The following HPS5 variants were observed in gnomAD, a reference collection of about 807,000 sequenced individuals.
HPS5 encodes the protein HPS5 biogenesis of lysosomal organelles complex 2 subunit 2.
HPS5 carries 83 observed loss-of-function variants against 128.0 expected under a neutral mutation model. The ratio of observed to expected loss-of-function variants is 0.65; its 90% CI spans 0.54 to 0.78. The LOEUF is 0.78. HPS5 is among the 30% of genes least tolerant of loss of function. HPS5 has a pLI of 0.00. For missense variants in HPS5, 1,281 were observed against 1,326.2 expected (o/e 0.97, Z 0.53); for synonymous variants, 475 against 470.2 (o/e 1.01, Z -0.13).
chr11:18,310,886 T>C lies in HPS5; in HGVS notation c.332A>G (p.Lys111Arg), dbSNP rs1862897760. ...VWELNQERRGKPEQMYVSSEH... is the reference protein window; with the variant it reads ...VWELNQERRGRPEQMYVSSEH... Reference sequence around the variant, plus strand: ...TGAAGACACATACATTTGTTCCGGTTTCCCACGACGCTCTTGATTTAATTC... The same window carrying C: ...TGAAGACACATACATTTGTTCCGGTCTCCCACGACGCTCTTGATTTAATTC... The change falls in exon 5 of 23, where the codon AAA becomes AGA. Residue 111 changes from lysine to arginine, a missense_variant. By Grantham distance (26) the Lys-to-Arg change is conservative. Coordinates refer to ENST00000349215, the MANE Select transcript of HPS5 (RefSeq NM_181507.2). 6.2e-6 allele frequency: 10 copies of C among 1,609,958 alleles called. No homozygotes were observed. The highest frequency in any genetic ancestry group is 7.6e-6 in the Non-Finnish European group (9 of 1,178,524).
intron 9 of HPS5, 118 bp downstream of exon 9, chr11:18,300,696 CAAAAAAAAAAAAAA>C (rs531315010): frequency 3.1e-6 from 1 of 326,356 alleles, no homozygotes; most frequent in Non-Finnish European, 5.6e-6. Context: ...GACTTAGTCT[CAAAAAAAAAAAAAA>C]AAAAAAAAAA....
intron 16 of HPS5, 95 bp from the exon 17 acceptor site, chr11:18,288,108 C>T: frequency 1.5e-6 from 2 of 1,362,726 alleles, no homozygotes; most frequent in Non-Finnish European, 1.0e-6. Context: ...TAGTCACGTA[C>T]CTACTGTGTG....
chr11:18,288,567 G>A (rs559773090), intron 16 of HPS5, among the ~76,000 whole-genome samples: 3 of 152,056 alleles, frequency 2.0e-5, no homozygotes, highest in Non-Finnish European at 4.4e-5. Flanking sequence ...TCTGGTGAAA[G>A]GAGTGATGAT....
chr11:18,306,379 T>C (rs1006891197), intron 6 of HPS5, 32 bp from the exon 7 acceptor site: 1 of 1,551,612 alleles, frequency 6.4e-7, no homozygotes, highest in Non-Finnish European at 8.9e-7. Context: ...AAAGCAGATT[T>C]ACTTACAAAA....
chr11:18,313,912 CA>C (rs58704871), intron 2 of HPS5, among the ~76,000 whole-genome samples: 9,937 of 110,644 alleles, frequency 0.09, 456 homozygotes, highest in East Asian at 0.28. Context: ...GACTCCGTCT[CA>C]AAAAAAAAAA....
intron 22 of HPS5, 88 bp downstream of exon 22, chr11:18,281,862 C>T (rs911178802): frequency 2.0e-6 from 3 of 1,476,038 alleles, no homozygotes; most frequent in Non-Finnish European, 2.8e-6. Context: ...TGGGTCGGGA[C>T]TAAATGATCT....
At chr11:18,314,598 T>C (rs2133882040) in intron 2 of HPS5, 1 of 152,360 alleles carries the variant, frequency 6.6e-6, no homozygotes, top group South Asian at 2.1e-4. Context: ...AAAGTGTATA[T>C]TTAAAGCAAC....
intron 1 of HPS5, among the ~76,000 whole-genome samples, chr11:18,321,080 G>A (rs989433328): frequency 4.6e-5 from 7 of 152,202 alleles, no homozygotes; most frequent in African/African-American, 1.4e-4. Context: ...TTCAAGTTGC[G>A]TTAAGTGTAC....
At chr11:18,300,071 G>T (rs1277988867) in intron 9 of HPS5, among the ~76,000 whole-genome samples, 1 of 152,126 alleles carries the variant, frequency 6.6e-6, no homozygotes, top group African/African-American at 2.4e-5. Flanking sequence ...TAGCATTGTA[G>T]GATGACTATA....
intron 19 of HPS5, among the ~76,000 whole-genome samples, chr11:18,285,775 T>C (rs975729527): frequency 1.3e-5 from 2 of 152,206 alleles, no homozygotes; most frequent in Non-Finnish European, 2.9e-5. Context: ...AGACAGGCAT[T>C]TGGGGGTCTT....
Position 18,315,260 on chromosome 11 carries a change from C to T in HPS5, c.108+2491G>A, listed in dbSNP as rs188131546. ...CTTTAACCTTGTCTCGTTTCCACCT[C>T]TCCACCAAGCACAGAGTGGGACTCT... On this transcript the variant is annotated intron_variant, in intron 2 of 22. Coordinates refer to ENST00000349215, the MANE Select transcript of HPS5 (RefSeq NM_181507.2). Among the ~76,000 whole-genome samples, 458 of 152,328 alleles carry T rather than the reference C, an allele frequency of 3.0e-3. 1 individual carries two copies. The highest frequency in any genetic ancestry group is 0.01 in the Middle Eastern group (3 of 294).
chr11:18,300,628 T>C (rs1205909741), intron 9 of HPS5, among the ~76,000 whole-genome samples, 200 bp downstream of exon 9: 1 of 140,698 alleles, frequency 7.1e-6, no homozygotes, highest in Non-Finnish European at 1.5e-5. Context: ...ACCCAGGAGG[T>C]GGAGGTTTCC....
In HPS5 at chr11:18,306,294, CA is replaced by C; in HGVS notation, c.664del (p.Cys222ValfsTer14). 1 of 1,614,136 alleles carries C rather than the reference CA, an allele frequency of 6.2e-7. No individual in the cohort carries two copies. The highest frequency in any genetic ancestry group is 1.1e-5 in the South Asian group (1 of 91,084). ...NKERDGEYGA[C>X]FFPGRCSGGQ... is the part of the protein sequence containing the mutation. ...CCCAGAACATCTTCCAGGAAAGAAACAAGCTCCATATTCTCCATCTCTTTCC... is the reference window on the plus strand; with the variant it reads ...CCCAGAACATCTTCCAGGAAAGAAACAGCTCCATATTCTCCATCTCTTTCC... On this transcript the variant is annotated frameshift_variant, in exon 7 of 23. Transcript: ENST00000349215. LOFTEE classifies it high-confidence loss of function.
intron 1 of HPS5, among the ~76,000 whole-genome samples, chr11:18,318,479 A>C (rs1283221157): frequency 6.6e-6 from 1 of 152,228 alleles, no homozygotes; most frequent in African/African-American, 2.4e-5. Context: ...GAATTAGAGC[A>C]CAAAGAAAAA....
intron 1 of HPS5, among the ~76,000 whole-genome samples, chr11:18,321,276 T>C (rs1590167619): frequency 6.6e-6 from 1 of 152,238 alleles, no homozygotes; most frequent in South Asian, 2.1e-4. Flanking sequence ...TCCAACTACA[T>C]TGGACTCGAC....
chr11:18,303,275 A>AC (rs1278255910), intron 8 of HPS5, among the ~76,000 whole-genome samples: 1 of 69,846 alleles, frequency 1.4e-5, no homozygotes, highest in Non-Finnish European at 2.8e-5. Context: ...AGCACTGCCC[A>AC]TGAAAAGGAG....
chr11:18,281,943 A>C lies in HPS5; in HGVS notation c.3329+7T>G, dbSNP rs757073977. On this transcript the variant is annotated splice_region_variant and intron_variant, in intron 22 of 22. Transcript: ENST00000349215. ...ACTATGCAGAGGGTAGGACAAACTG[A>C]TATTACCTCTGCCTTTTCTCAGCAA... 1.2e-6 allele frequency: 2 copies of C among 1,614,096 alleles called. No individual in the cohort carries two copies.
intron 8 of HPS5, among the ~76,000 whole-genome samples, chr11:18,303,630 A>C (rs1034184143): frequency 6.6e-6 from 1 of 152,150 alleles, no homozygotes; most frequent in African/African-American, 2.4e-5. Flanking sequence ...ATGCAGGTGG[A>C]TTGCCTGAGC....
At chr11:18,319,233 A>C (rs1425622728) in intron 1 of HPS5, among the ~76,000 whole-genome samples, 1 of 150,106 alleles carries the variant, frequency 6.7e-6, no homozygotes, top group African/African-American at 2.5e-5. Context: ...GTCAGTTTAT[A>C]ATACGGAGGA....
Sources: allele counts gnomAD v4.1 joint callset (sites outside exome capture counted in the v4.1 genomes callset), GRCh38; gene constraint gnomAD v4.1.1; transcripts MANE v1.5; gene names NCBI Gene and HGNC (gene_info 2026-07-23, HGNC 2026-07-21).